SCAPER: variants seen among roughly 807,000 people sequenced by gnomAD.
SCAPER encodes the protein S phase cyclin A-associated protein in the endoplasmic reticulum.
SCAPER carries 98 observed loss-of-function variants against 182.2 expected under a neutral mutation model. The ratio of observed to expected loss-of-function variants is 0.54; its 90% CI spans 0.46 to 0.64. SCAPER has a LOEUF of 0.64. SCAPER is among the 30% of genes least tolerant of loss of function. The probability of loss-of-function intolerance (pLI) is 0.00; values close to 1 mark genes in which losing one functional copy is unlikely to be tolerated. For synonymous variants in SCAPER, 605 were observed against 564.6 expected, an observed-to-expected ratio of 1.07 and a Z score of -1.01; for missense variants, 1,432 against 1,690.0, an observed-to-expected ratio of 0.85 and a Z score of 2.68.
chr15:76,417,940 C>T (rs1213292383), intron 26 of SCAPER, among the ~76,000 whole-genome samples: 1 of 152,042 alleles, frequency 6.6e-6, no homozygotes, highest in African/African-American at 2.4e-5. Flanking sequence ...ATGGCTTGAA[C>T]CCGGGAGGCG....
chr15:76,625,568 G>C (rs762376543), intron 21 of SCAPER, among the ~76,000 whole-genome samples: 1 of 152,132 alleles, frequency 6.6e-6, no homozygotes, highest in African/African-American at 2.4e-5. Context: ...TGGAAATGCA[G>C]AAGCTGTTGG....
chr15:76,785,578 G>A (rs1232023637), intron 8 of SCAPER, among the ~76,000 whole-genome samples: 1 of 152,116 alleles, frequency 6.6e-6, no homozygotes, highest in Non-Finnish European at 1.5e-5. Context: ...ATATGCACAC[G>A]TATGTTTATT....
chr15:76,642,321 G>A (rs1274384513), intron 21 of SCAPER, among the ~76,000 whole-genome samples: 1 of 152,042 alleles, frequency 6.6e-6, no homozygotes, highest in Non-Finnish European at 1.5e-5. Context: ...GATGCTGCTT[G>A]TTCCATATAC....
At chr15:76,645,675 A>G (rs1473871428) in intron 21 of SCAPER, among the ~76,000 whole-genome samples, 1 of 152,152 alleles carries the variant, frequency 6.6e-6, no homozygotes, top group African/African-American at 2.4e-5. Context: ...TACTGTGGAC[A>G]CTGCCTCATA....
At chr15:76,793,360 C>T in intron 8 of SCAPER, 1 of 679,034 alleles carries the variant, frequency 1.5e-6, no homozygotes, top group Non-Finnish European at 2.7e-6. Flanking sequence ...TGGCTGGCAG[C>T]CCCTAGGTGG....
At chr15:76,847,986 C>T (rs992220254) in intron 4 of SCAPER, among the ~76,000 whole-genome samples, 6 of 152,120 alleles carry the variant, frequency 3.9e-5, no homozygotes, top group Non-Finnish European at 5.9e-5. Context: ...GTTTTTGAAA[C>T]TATCTGAAGT....
At chr15:76,774,806 C>A in intron 9 of SCAPER, 49 bp downstream of exon 9, 1 of 1,546,222 alleles carries the variant, frequency 6.5e-7, no homozygotes, top group Non-Finnish European at 8.7e-7. Context: ...TACACATGTA[C>A]ACATACACCT....
intron 1 of SCAPER, among the ~76,000 whole-genome samples, chr15:76,899,373 G>A (rs187999407): frequency 3.3e-5 from 5 of 152,330 alleles, no homozygotes; most frequent in South Asian, 2.1e-4. Context: ...CATGTTGACC[G>A]TGCTGGTCTC....
chr15:76,638,012 G>A (rs1295721279), intron 21 of SCAPER, among the ~76,000 whole-genome samples: 1 of 151,816 alleles, frequency 6.6e-6, no homozygotes, highest in Non-Finnish European at 1.5e-5. Flanking sequence ...TTATTACTGA[G>A]CTGCAAGAAT....
At chr15:76,703,071 A>G (rs1463320746) in intron 18 of SCAPER, 69 bp from the exon 19 acceptor site, 4 of 1,464,740 alleles carry the variant, frequency 2.7e-6, no homozygotes, top group East Asian at 2.4e-5. Flanking sequence ...TGGAAAAATA[A>G]TATTTCCATT....
At chr15:76,665,840 T>C (rs2146765106) in intron 20 of SCAPER, 51 bp from the exon 21 acceptor site, 7 of 1,393,446 alleles carry the variant, frequency 5.0e-6, no homozygotes, top group Non-Finnish European at 6.7e-6. Flanking sequence ...CATTTAAATA[T>C]AATATAGGAT....
At chr15:76,853,564 AC>A (rs1212224887) in intron 4 of SCAPER, among the ~76,000 whole-genome samples, 1 of 152,078 alleles carries the variant, frequency 6.6e-6, no homozygotes, top group African/African-American at 2.4e-5. Context: ...AAAAAAAAAA[AC>A]CACATAGTTA....
At chr15:76,883,585 C>T (rs917928517) in intron 2 of SCAPER, among the ~76,000 whole-genome samples, 1 of 152,146 alleles carries the variant, frequency 6.6e-6, no homozygotes, top group East Asian at 1.9e-4. Flanking sequence ...ACTTGTATTC[C>T]TAACCTAGGT....
intron 23 of SCAPER, among the ~76,000 whole-genome samples, chr15:76,514,285 G>T (rs970552605): frequency 3.3e-5 from 5 of 152,154 alleles, no homozygotes; most frequent in Admixed American, 3.3e-4. Flanking sequence ...TACCTTAAAA[G>T]CTCTGCCTTC....
intron 14 of SCAPER, among the ~76,000 whole-genome samples, chr15:76,759,441 C>G (rs1028820414): frequency 2.0e-5 from 3 of 152,042 alleles, no homozygotes; most frequent in African/African-American, 7.3e-5. Flanking sequence ...TATAAGGCAC[C>G]CACTCCTGCA....
At chr15:76,378,520 CA>C (rs1228096758) in intron 28 of SCAPER, among the ~76,000 whole-genome samples, 1 of 152,204 alleles carries the variant, frequency 6.6e-6, no homozygotes, top group African/African-American at 2.4e-5. Flanking sequence ...CTATACAGTA[CA>C]AATACTATGT....
intron 26 of SCAPER, among the ~76,000 whole-genome samples, chr15:76,428,878 A>ATATATATATATATATATATATG (rs2046635686): frequency 7.5e-6 from 1 of 134,170 alleles, no homozygotes; most frequent in African/African-American, 2.8e-5. Context: ...ATATATATAT[A>ATATATATATATATATATATATG]TATATATATA....
intron 2 of SCAPER, among the ~76,000 whole-genome samples, chr15:76,877,042 C>T (rs1399664643): frequency 1.3e-5 from 2 of 151,926 alleles, no homozygotes; most frequent in Non-Finnish European, 2.9e-5. Context: ...TCAAGACCAG[C>T]CTGGGAAACA....
chr15:76,834,682 GATTGAA>G (rs1243922232), intron 5 of SCAPER, among the ~76,000 whole-genome samples: 1 of 152,022 alleles, frequency 6.6e-6, no homozygotes, highest in Non-Finnish European at 1.5e-5. Context: ...AAGAAAAAAA[GATTGAA>G]ATAAACACAA....
Sources: gnomAD v4.1 joint callset for allele counts (sites outside exome capture counted in the v4.1 genomes callset) on GRCh38, gnomAD v4.1.1 for gene constraint, MANE v1.5 for transcripts, NCBI Gene and HGNC (gene_info 2026-07-23, HGNC 2026-07-21) for gene names.